The following BLTP3B variants were observed in gnomAD, a reference collection of about 807,000 sequenced individuals.
The protein encoded by BLTP3B is bridge-like lipid transfer protein family member 3B.
chr12:100,050,988 A>G, the BLTP3B span: 1 of 1,522,012 alleles, frequency 6.6e-7, no homozygotes, highest in Non-Finnish European at 8.9e-7. Context: ...AATTCATTTT[A>G]TATATGAATG....
the BLTP3B span, chr12:100,086,172 A>T: frequency 5.6e-6 from 4 of 717,708 alleles, no homozygotes; most frequent in Admixed American, 7.5e-5. Context: ...TCTTCATCTC[A>T]TTTCTTGTTA....
At chr12:100,091,927 GCCT>G in the BLTP3B span, among the ~76,000 whole-genome samples, 1 of 151,600 alleles carries the variant, frequency 6.6e-6, no homozygotes, top group Non-Finnish European at 1.5e-5. Flanking sequence ...CCCTGCCTCA[GCCT>G]CCTGAGTGGC....
At chr12:100,039,185 C>T in the BLTP3B span, among the ~76,000 whole-genome samples, 5 of 149,698 alleles carry the variant, frequency 3.3e-5, no homozygotes, top group Admixed American at 6.6e-5. Flanking sequence ...TCAAAAGCAA[C>T]TTGAATGTTA....
chr12:100,047,754 G>C, the BLTP3B span: 1 of 1,049,332 alleles, frequency 9.5e-7, no homozygotes, highest in Non-Finnish European at 1.4e-6. Context: ...AAAACTGCCT[G>C]TTATATTTTG....
the BLTP3B span, among the ~76,000 whole-genome samples, chr12:100,140,704 CAAA>C: frequency 7.1e-4 from 24 of 33,764 alleles, no homozygotes; most frequent in Admixed American, 4.9e-3. Context: ...GACTCTGTCT[CAAA>C]AAAAAAAAAA....
the BLTP3B span, among the ~76,000 whole-genome samples, chr12:100,090,588 A>G: frequency 6.6e-6 from 1 of 152,190 alleles, no homozygotes; most frequent in Admixed American, 6.5e-5. Flanking sequence ...TACATCTATG[A>G]AGAACTATGA....
chr12:100,119,615 TAC>T, the BLTP3B span, among the ~76,000 whole-genome samples: 2 of 151,922 alleles, frequency 1.3e-5, no homozygotes, highest in Non-Finnish European at 2.9e-5. Flanking sequence ...TGCAACAAAA[TAC>T]AGAGTCCAGA....
the BLTP3B span, chr12:100,037,301 C>T: frequency 2.0e-6 from 2 of 1,011,552 alleles, no homozygotes; most frequent in East Asian, 2.1e-4. Context: ...TTTCCTTTTA[C>T]ATTTTAAAAA....
At chr12:100,114,669 A>G in the BLTP3B span, among the ~76,000 whole-genome samples, 1 of 152,238 alleles carries the variant, frequency 6.6e-6, no homozygotes, top group African/African-American at 2.4e-5. Context: ...GTCATACAAG[A>G]GAAGATGTTT....
the BLTP3B span, among the ~76,000 whole-genome samples, chr12:100,121,299 G>A: frequency 6.8e-6 from 1 of 147,244 alleles, no homozygotes; most frequent in Non-Finnish European, 1.5e-5. Context: ...GCAGTGAGCT[G>A]AGATAGTGCC....
chr12:100,065,436 G>A, the BLTP3B span, among the ~76,000 whole-genome samples: 1 of 152,300 alleles, frequency 6.6e-6, no homozygotes, highest in East Asian at 1.9e-4. Flanking sequence ...GGACGTGCAA[G>A]TAGTGAAGAT....
chr12:100,142,652 A>T, the BLTP3B span: 81 of 1,605,654 alleles, frequency 5.0e-5, no homozygotes, highest in African/African-American at 1.0e-3. Flanking sequence ...GAGGCTGGAG[A>T]CGCCGCGGTC....
the BLTP3B span, among the ~76,000 whole-genome samples, chr12:100,087,668 C>T: frequency 6.6e-6 from 1 of 152,110 alleles, no homozygotes; most frequent in Non-Finnish European, 1.5e-5. Context: ...TTTTCACAAA[C>T]TTATAATATT....
the BLTP3B span, among the ~76,000 whole-genome samples, chr12:100,063,599 G>C: frequency 6.6e-6 from 1 of 151,860 alleles, no homozygotes; most frequent in Non-Finnish European, 1.5e-5. Context: ...CCAACTACTC[G>C]GGAGGCTGAG....
chr12:100,091,029 CTT>C, the BLTP3B span, among the ~76,000 whole-genome samples: 33 of 139,708 alleles, frequency 2.4e-4, no homozygotes, highest in Non-Finnish European at 3.1e-4. Flanking sequence ...ATGAATAATC[CTT>C]TTTTTTTTTT....
chr12:100,057,717 T>C, the BLTP3B span: 3 of 1,611,646 alleles, frequency 1.9e-6, no homozygotes, highest in African/African-American at 1.3e-5. Flanking sequence ...AGGAGCCAGG[T>C]TGGGTGGGCA....
the BLTP3B span, chr12:100,051,025 GAAAT>G: frequency 6.3e-7 from 1 of 1,593,240 alleles, no homozygotes; most frequent in Non-Finnish European, 8.5e-7. Context: ...TGTCAAATAT[GAAAT>G]AAAGTTGGTG....
the BLTP3B span, among the ~76,000 whole-genome samples, chr12:100,061,471 C>T: frequency 6.6e-6 from 1 of 152,018 alleles, no homozygotes; most frequent in Admixed American, 6.6e-5. Flanking sequence ...TCCTGGCTAA[C>T]ACAGTGAAAC....
At chr12:100,040,544 G>T in the BLTP3B span, among the ~76,000 whole-genome samples, 3 of 152,168 alleles carry the variant, frequency 2.0e-5, no homozygotes, top group African/African-American at 7.2e-5. Context: ...AACCAGGCAT[G>T]ATGGTGCACA....
Sources: allele counts gnomAD v4.1 joint callset (sites outside exome capture counted in the v4.1 genomes callset), GRCh38; gene constraint gnomAD v4.1.1; transcripts MANE v1.5; gene names NCBI Gene and HGNC (gene_info 2026-07-23, HGNC 2026-07-21).